TSC22D1: variants seen among roughly 807,000 people sequenced by gnomAD.
The protein encoded by TSC22D1 is TSC22 domain family protein 1.
TSC22D1 carries 9 observed loss-of-function variants against 74.2 expected under a neutral mutation model. The observed-to-expected ratio is 0.12, with a 90% CI of 0.07 to 0.21. TSC22D1 has a LOEUF of 0.21. Among genes scored for constraint, TSC22D1 ranks in the 10% least tolerant of loss-of-function variants. The pLI, the probability that TSC22D1 is intolerant of heterozygous loss-of-function variation, is 1.00. For missense variants in TSC22D1, 1,427 were observed against 1,304.7 expected (o/e 1.09, Z -1.44); for synonymous variants, 586 against 492.5 (o/e 1.19, Z -2.51).
At chr13:44,535,567 G>A (rs1027530976) in intron 1 of TSC22D1, among the ~76,000 whole-genome samples, 1 of 151,810 alleles carries the variant, frequency 6.6e-6, no homozygotes, top group African/African-American at 2.4e-5. Flanking sequence ...AACCTATAAA[G>A]TCAGGACTTT....
At chr13:44,458,070 T>C (rs532490439) in intron 1 of TSC22D1, among the ~76,000 whole-genome samples, 6 of 152,218 alleles carry the variant, frequency 3.9e-5, no homozygotes, top group Non-Finnish European at 8.8e-5. Flanking sequence ...TTGAAACAGA[T>C]AGGTGAAATC....
chr13:44,457,180 C>G (rs1876705825), intron 1 of TSC22D1, among the ~76,000 whole-genome samples: 1 of 152,248 alleles, frequency 6.6e-6, no homozygotes, highest in Admixed American at 6.5e-5. Flanking sequence ...CTGCACCCAG[C>G]TGAACCAAAA....
intron 1 of TSC22D1, among the ~76,000 whole-genome samples, chr13:44,487,606 G>A (rs1055238857): frequency 6.8e-6 from 1 of 148,100 alleles, no homozygotes; most frequent in Non-Finnish European, 1.5e-5. Context: ...AACAAATCTA[G>A]TAGTGAATAA....
intron 2 of TSC22D1, 70 bp downstream of exon 2, chr13:44,435,974 G>T: frequency 7.0e-7 from 1 of 1,438,360 alleles, no homozygotes; most frequent in South Asian, 1.2e-5. Flanking sequence ...GGGATGCACT[G>T]GTTCCACAAA....
intron 1 of TSC22D1, chr13:44,536,728 TAACTC>T (rs1347935630): frequency 3.1e-6 from 3 of 983,550 alleles, no homozygotes; most frequent in African/African-American, 1.8e-5. Flanking sequence ...TTTACAGTAT[TAACTC>T]AAGAGAGTTT....
At chr13:44,509,686 T>C (rs1879599809) in intron 1 of TSC22D1, among the ~76,000 whole-genome samples, 1 of 152,106 alleles carries the variant, frequency 6.6e-6, no homozygotes, top group African/African-American at 2.4e-5. Flanking sequence ...TTTTATATTA[T>C]GTGTATTTTA....
chr13:44,478,574 G>A (rs892771634), intron 1 of TSC22D1, among the ~76,000 whole-genome samples: 1 of 152,040 alleles, frequency 6.6e-6, no homozygotes, highest in African/African-American at 2.4e-5. Flanking sequence ...AAATAATGGG[G>A]TATTTGAATT....
At chr13:44,532,665 G>A (rs1471371284) in intron 1 of TSC22D1, among the ~76,000 whole-genome samples, 2 of 151,770 alleles carry the variant, frequency 1.3e-5, no homozygotes, top group African/African-American at 2.4e-5. Context: ...TAGTACAGAC[G>A]GGGTTTCACC....
At position 44,528,296 on chromosome 13, in the gene TSC22D1, A is replaced by C. The variant is rs368940544; in HGVS notation, c.2912+44867T>G. On this transcript the variant is annotated intron_variant, in intron 1 of 2. Transcript: ENST00000458659. ...CACCAAAACAGACCACATTCTGGGC[A>C]ATAAAAACATAAAACAAATGTAAAA... is the stretch of plus-strand genomic sequence containing the variant. 2.6e-5 allele frequency among the ~76,000 whole-genome samples: 4 copies of C among 152,022 alleles called. No homozygotes were observed. The East Asian group carries it at 7.7e-4, about 29-fold the overall frequency.
chr13:44,538,758 T>C, intron 1 of TSC22D1: 3 of 985,418 alleles, frequency 3.0e-6, no homozygotes, highest in Non-Finnish European at 3.6e-6. Flanking sequence ...CTAGACATAT[T>C]GCATGGATCC....
chr13:44,478,754 G>A (rs181268687), intron 1 of TSC22D1, among the ~76,000 whole-genome samples: 94 of 152,070 alleles, frequency 6.2e-4, no homozygotes, highest in East Asian at 6.2e-3. Context: ...TACTATGGAC[G>A]CCACCCAGCA....
chr13:44,537,589 T>C (rs1466563682), intron 1 of TSC22D1: 4 of 984,882 alleles, frequency 4.1e-6, no homozygotes, highest in Non-Finnish European at 3.6e-6. Flanking sequence ...CCTAAAACGA[T>C]GGACAGTTGT....
At chr13:44,453,549 G>T (rs557984577) in intron 1 of TSC22D1, among the ~76,000 whole-genome samples, 1 of 152,288 alleles carries the variant, frequency 6.6e-6, no homozygotes, top group Admixed American at 6.5e-5. Context: ...TCTGATAGTG[G>T]TCAGACAACT....
At position 44,434,223 on chromosome 13, in the gene TSC22D1, C is replaced by T. The variant is rs1001396402; in HGVS notation, c.*403G>A. ...GGGGAGGAGAGGAGAGAGGCGAGTCCAGTGAGGAGCTCCATCGCTTCACAA... is the reference window on the plus strand; with the variant it reads ...GGGGAGGAGAGGAGAGAGGCGAGTCTAGTGAGGAGCTCCATCGCTTCACAA... On this transcript the variant is annotated 3_prime_UTR_variant, in exon 3 of 3. Coordinates refer to ENST00000458659, the MANE Select transcript of TSC22D1 (RefSeq NM_183422.4). 7.0e-7 allele frequency: 1 copy of T among 1,428,516 alleles called. No individual in the cohort carries two copies. The highest frequency in any genetic ancestry group is 9.0e-7 in the Non-Finnish European group (1 of 1,105,486). The allele number at this position is 1,428,516 out of a possible 1,614,324, so 88.5% of individuals were successfully genotyped here.
At chr13:44,455,186 C>T (rs1198856361) in intron 1 of TSC22D1, among the ~76,000 whole-genome samples, 1 of 152,088 alleles carries the variant, frequency 6.6e-6, no homozygotes, top group Admixed American at 6.5e-5. Context: ...TTTTAGCTAG[C>T]TTTCAAAGAA....
chr13:44,465,905 A>C (rs958243307), intron 1 of TSC22D1, among the ~76,000 whole-genome samples: 4 of 152,126 alleles, frequency 2.6e-5, no homozygotes. Context: ...CCCAGGAGGC[A>C]GAGGTTGCAG....
chr13:44,485,817 A>G (rs1878404652), intron 1 of TSC22D1, among the ~76,000 whole-genome samples: 1 of 152,118 alleles, frequency 6.6e-6, no homozygotes, highest in African/African-American at 2.4e-5. Flanking sequence ...TTGTAGAATT[A>G]TTTAAAGTTA....
Position 44,517,857 on chromosome 13 carries a change from A to ATATATATTT in TSC22D1, c.2912+55305_2912+55306insAAATATATA, listed in dbSNP as rs10627677. ...TATATATATATATATATATATATAT[A>ATATATATTT]TTTTTTTTTTTTTTTTTTTTTTAAC... is the stretch of plus-strand genomic sequence containing the variant. On this transcript the variant is annotated intron_variant, in intron 1 of 2. Transcript: ENST00000458659. 6.2e-4 allele frequency among the ~76,000 whole-genome samples: 10 copies of ATATATATTT among 16,174 alleles called. 1 individual carries two copies. Among genetic ancestry groups the ATATATATTT allele is most frequent in the East Asian group, 9.6e-4 (1 of 1,042 alleles). The allele number at this position is 16,174 out of a possible 152,430, so 10.6% of individuals were successfully genotyped here.
chr13:44,449,399 G>A (rs1875945475), intron 1 of TSC22D1, among the ~76,000 whole-genome samples: 1 of 152,248 alleles, frequency 6.6e-6, no homozygotes, highest in Non-Finnish European at 1.5e-5. Flanking sequence ...AAGCCCTCAA[G>A]AGCTGTGAGA....
Sources: allele counts gnomAD v4.1 joint callset (sites outside exome capture counted in the v4.1 genomes callset), GRCh38; gene constraint gnomAD v4.1.1; transcripts MANE v1.5; gene names NCBI Gene and HGNC (gene_info 2026-07-23, HGNC 2026-07-21).